RBFOX1: variants seen among roughly 807,000 people sequenced by gnomAD.
RBFOX1 encodes the protein RNA binding protein fox-1 homolog 1.
In RBFOX1, 8 loss-of-function variants were observed where a neutral mutation model predicts 57.7. That is an observed-to-expected ratio of 0.14 (90% CI 0.08 to 0.25). RBFOX1 has a LOEUF of 0.25. Ranked by LOEUF, RBFOX1 falls within the 10% of genes least tolerant of loss-of-function variation. The pLI is 1.00. For synonymous variants in RBFOX1, 326 were observed against 222.4 expected (o/e 1.47, Z -4.15); for missense variants, 611 against 548.5 (o/e 1.11, Z -1.14).
intron 1 of RBFOX1, among the ~76,000 whole-genome samples, chr16:6,205,576 T>C (rs1008670991): frequency 6.6e-5 from 10 of 152,154 alleles, no homozygotes; most frequent in Admixed American, 3.3e-4. Flanking sequence ...CTGAATTAAA[T>C]AGCACCAGGT....
intron 1 of RBFOX1, among the ~76,000 whole-genome samples, chr16:6,273,507 G>C (rs1452544687): frequency 6.6e-6 from 1 of 151,614 alleles, no homozygotes; most frequent in Non-Finnish European, 1.5e-5. Context: ...ACCATGTCCA[G>C]CTAATTTTTT....
rs184692012 is a variant in RBFOX1, at chr16:6,402,154, G to A, written c.-64+85097G>A. Among the ~76,000 whole-genome samples, 723 of 151,688 alleles carry A rather than the reference G, an allele frequency of 4.8e-3. 2 individuals are homozygous for A. Among genetic ancestry groups the A allele is most frequent in the Non-Finnish European group, 7.5e-3 (510 of 67,962 alleles). ...TCCCAAAAAAATGCTAAGCATGCAT[G>A]CAGACACCCATTCATTTTATACATT... On this transcript the variant is annotated intron_variant, in intron 2 of 15. Transcript: ENST00000550418.
Position 7,652,403 on chromosome 16 carries a change from C to T in RBFOX1, c.758-1412C>T, listed in dbSNP as rs549365241. ...AATTTTACCCAAGGGAAGATATCCC[C>T]GCCCACATTCTTCTTCTTATTTGAG... is the stretch of plus-strand genomic sequence containing the variant. On this transcript the variant is annotated intron_variant, in intron 11 of 15. Coordinates refer to ENST00000550418, the MANE Select transcript of RBFOX1 (RefSeq NM_018723.4). Among the ~76,000 whole-genome samples, 45 of 152,262 alleles carry T rather than the reference C, an allele frequency of 3.0e-4. 1 individual carries two copies. The South Asian group carries it at 4.3e-3, about 15-fold the overall frequency.
At chr16:7,116,436 C>T (rs1269146406) in intron 4 of RBFOX1, among the ~76,000 whole-genome samples, 1 of 152,148 alleles carries the variant, frequency 6.6e-6, no homozygotes, top group Non-Finnish European at 1.5e-5. Context: ...GCACCAACAT[C>T]TCTGCCCATC....
chr16:6,682,550 G>A (rs1333940545), intron 3 of RBFOX1, among the ~76,000 whole-genome samples: 2 of 152,164 alleles, frequency 1.3e-5, no homozygotes, highest in African/African-American at 2.4e-5. Context: ...CTGGACCGGT[G>A]CATGCTTTGC....
intron 4 of RBFOX1, among the ~76,000 whole-genome samples, chr16:7,083,800 G>A (rs117020669): frequency 0.011 from 1,632 of 152,286 alleles, 15 homozygotes; most frequent in Non-Finnish European, 0.016. Flanking sequence ...TGGTTGCCAT[G>A]GTGACATTTG....
chr16:7,343,503 G>A (rs945248704), intron 4 of RBFOX1, among the ~76,000 whole-genome samples: 1 of 152,166 alleles, frequency 6.6e-6, no homozygotes, highest in Non-Finnish European at 1.5e-5. Context: ...TGCCCTCTGA[G>A]CACACAGCAG....
At chr16:6,237,277 A>G (rs192389084) in intron 1 of RBFOX1, among the ~76,000 whole-genome samples, 193 of 152,322 alleles carry the variant, frequency 1.3e-3, no homozygotes, top group Non-Finnish European at 1.9e-3. Flanking sequence ...TGAAATTGCA[A>G]TGTTAGAAGG....
At chr16:5,962,751 T>C (rs2059773763) in intron 4 of RBFOX1, among the ~76,000 whole-genome samples, 1 of 152,078 alleles carries the variant, frequency 6.6e-6, no homozygotes, top group Non-Finnish European at 1.5e-5. Context: ...TCTTGGGCTC[T>C]GGATTAGGAA....
chr16:7,551,671 G>A (rs1275480178), intron 5 of RBFOX1, among the ~76,000 whole-genome samples: 1 of 152,156 alleles, frequency 6.6e-6, no homozygotes, highest in East Asian at 1.9e-4. Flanking sequence ...ACTCTAGCTG[G>A]TTCAGTGGCA....
chr16:6,908,562 A>G (rs934433301), intron 3 of RBFOX1, among the ~76,000 whole-genome samples: 4 of 152,186 alleles, frequency 2.6e-5, no homozygotes, highest in Non-Finnish European at 5.9e-5. Context: ...CAGAGTGCCA[A>G]GCATGTCTTA....
chr16:5,888,518 G>A (rs934150761), intron 4 of RBFOX1, among the ~76,000 whole-genome samples: 34 of 152,082 alleles, frequency 2.2e-4, no homozygotes, highest in African/African-American at 7.2e-4. Flanking sequence ...TGTTGAGGCC[G>A]GGCGCAGTGG....
At chr16:7,010,538 T>C (rs1191286899) in intron 3 of RBFOX1, among the ~76,000 whole-genome samples, 7 of 97,290 alleles carry the variant, frequency 7.2e-5, no homozygotes, top group Admixed American at 1.9e-4. Flanking sequence ...ACATCTCCCC[T>C]TTTTTTTTTG....
intron 14 of RBFOX1, among the ~76,000 whole-genome samples, chr16:7,693,959 A>T (rs1029865645): frequency 1.2e-4 from 19 of 152,188 alleles, no homozygotes; most frequent in Admixed American, 3.3e-4. Context: ...TTGGTTTTGA[A>T]ACCAGGACAT....
At chr16:7,574,089 A>G (rs369631704) in intron 5 of RBFOX1, among the ~76,000 whole-genome samples, 8 of 152,134 alleles carry the variant, frequency 5.3e-5, no homozygotes, top group African/African-American at 1.9e-4. Context: ...TGACTTCTCA[A>G]GTTGAATGAG....
rs149479773 is a variant in RBFOX1 at position 6,915,498 on chromosome 16, T to C, written c.-15-136559T>C. On this transcript the variant is annotated intron_variant, in intron 3 of 15. Transcript: ENST00000550418. The stretch of plus-strand genomic sequence containing the variant: ...AAATGACTTCCTACTATAGCCTAAA[T>C]CTAAAATCTAAACAATAACTATTTT... Among the ~76,000 whole-genome samples, 175 of 151,806 alleles carry C rather than the reference T, an allele frequency of 1.2e-3. 1 individual carries two copies. Among genetic ancestry groups the C allele is most frequent in the African/African-American group, 4.0e-3 (166 of 41,410 alleles).
At chr16:6,365,234 GGA>G (rs1400909086) in intron 2 of RBFOX1, among the ~76,000 whole-genome samples, 2 of 152,166 alleles carry the variant, frequency 1.3e-5, no homozygotes, top group African/African-American at 2.4e-5. Flanking sequence ...ATGGGTAGAT[GGA>G]TGGATAGAGG....
At chr16:7,308,591 T>C (rs545601518) in intron 4 of RBFOX1, among the ~76,000 whole-genome samples, 1 of 152,186 alleles carries the variant, frequency 6.6e-6, no homozygotes, top group East Asian at 1.9e-4. Flanking sequence ...GTGGTTTGTT[T>C]TAAGTAGTGA....
chr16:7,388,950 C>G (rs866409842), intron 4 of RBFOX1, among the ~76,000 whole-genome samples: 1 of 152,004 alleles, frequency 6.6e-6, no homozygotes, highest in Non-Finnish European at 1.5e-5. Flanking sequence ...AAAGCATGTA[C>G]GCAGAGCTTA....
Sources: allele counts gnomAD v4.1 joint callset (sites outside exome capture counted in the v4.1 genomes callset), GRCh38; gene constraint gnomAD v4.1.1; transcripts MANE v1.5; gene names NCBI Gene and HGNC (gene_info 2026-07-23, HGNC 2026-07-21).